The following HEATR4 variants were observed in gnomAD, a reference collection of about 807,000 sequenced individuals.
The protein encoded by HEATR4 is HEAT repeat containing 4.
In HEATR4, 95 loss-of-function variants were observed where a neutral mutation model predicts 108.8. The ratio of observed to expected loss-of-function variants is 0.87; its 90% confidence interval spans 0.74 to 1.04. The LOEUF (loss-of-function observed/expected upper bound fraction) is 1.04, where lower values mean the gene tolerates loss of function less well. Among genes scored for constraint, HEATR4 ranks in the 50% least tolerant of loss-of-function variants. The pLI is 0.00. For synonymous variants in HEATR4, 443 were observed against 459.4 expected, an observed-to-expected ratio of 0.96 and a Z score of 0.46; for missense variants, 1,152 against 1,253.8, an observed-to-expected ratio of 0.92 and a Z score of 1.23.
chr14:73,613,539 C>T, the HEATR4 span, among the ~76,000 whole-genome samples: 1 of 152,144 alleles, frequency 6.6e-6, no homozygotes, highest in Non-Finnish European at 1.5e-5. Flanking sequence ...ACAAAACTGC[C>T]TGACAGTCCT....
chr14:73,502,865 G>T, intron 11 of HEATR4, 30 bp downstream of exon 11: 1 of 1,501,172 alleles, frequency 6.7e-7, no homozygotes, highest in South Asian at 1.2e-5. Context: ...GAATTTAGAA[G>T]AGTGTCTCCT....
chr14:73,572,114 A>G, the HEATR4 span, among the ~76,000 whole-genome samples: 33 of 135,598 alleles, frequency 2.4e-4, no homozygotes, highest in East Asian at 5.9e-3. Flanking sequence ...CTTAACTTAC[A>G]AAGTTAAATA....
the HEATR4 span, chr14:73,571,149 C>G: frequency 6.6e-6 from 1 of 151,984 alleles, no homozygotes; most frequent in Non-Finnish European, 1.5e-5. Flanking sequence ...GTTCCTGCTG[C>G]CTAGCTCCCC....
the HEATR4 span, chr14:73,612,501 G>A: frequency 1.9e-6 from 2 of 1,050,646 alleles, no homozygotes; most frequent in Non-Finnish European, 2.5e-6. Flanking sequence ...ACTTTCCAGC[G>A]CTCGGCAAAG....
chr14:73,491,239 C>G, intron 17 of HEATR4: 1 of 1,589,512 alleles, frequency 6.3e-7, no homozygotes, highest in Non-Finnish European at 8.6e-7. Flanking sequence ...CGGCCGACGA[C>G]CTGGGGGACG....
the HEATR4 span, among the ~76,000 whole-genome samples, chr14:73,579,285 AAAAAAAAAAC>A: frequency 1.4e-5 from 2 of 143,206 alleles, no homozygotes; most frequent in African/African-American, 2.6e-5. Context: ...AAAAAAAAAA[AAAAAAAAAAC>A]GCTGGGTGTG....
Position 73,532,339 on chromosome 14 carries a change from C to T in HEATR4, c.-151-2095G>A, listed in dbSNP as rs1196325132. ...TAACACTAGCTTTTACAAGGAGACTCTTCAATCTTGTATTTCTAGTAGTAT... is the reference window on the plus strand; with the variant it reads ...TAACACTAGCTTTTACAAGGAGACTTTTCAATCTTGTATTTCTAGTAGTAT... On this transcript the variant is annotated intron_variant, in intron 1 of 17. Transcript: ENST00000553558. Among the ~76,000 whole-genome samples, 10 of 116,482 alleles carry T rather than the reference C, an allele frequency of 8.6e-5. 3 individuals are homozygous for T. Among genetic ancestry groups the T allele is most frequent in the Non-Finnish European group, 1.7e-4 (9 of 53,284 alleles). The allele number at this position is 116,482 out of a possible 152,430, so 76.4% of individuals were successfully genotyped here.
At chr14:73,627,690 G>T in the HEATR4 span, among the ~76,000 whole-genome samples, 1 of 152,142 alleles carries the variant, frequency 6.6e-6, no homozygotes, top group Non-Finnish European at 1.5e-5. Context: ...CCATTTCTGG[G>T]TTTTTATGGA....
At chr14:73,615,408 C>CA in the HEATR4 span, among the ~76,000 whole-genome samples, 1 of 51,162 alleles carries the variant, frequency 2.0e-5, no homozygotes, top group Non-Finnish European at 3.9e-5. Flanking sequence ...AAAAAAAAAA[C>CA]AAAAAACAAA....
intron 5 of HEATR4, among the ~76,000 whole-genome samples, chr14:73,515,117 T>C (rs1433892031): frequency 6.6e-6 from 1 of 151,340 alleles, no homozygotes; most frequent in Non-Finnish European, 1.5e-5. Flanking sequence ...CTGAACTTAA[T>C]GTTTTTCATG....
the HEATR4 span, chr14:73,569,855 G>A: frequency 1.3e-5 from 21 of 1,604,958 alleles, no homozygotes. Context: ...GCGTGGGCCG[G>A]GTGCGAGGCA....
intron 9 of HEATR4, among the ~76,000 whole-genome samples, chr14:73,506,804 G>GTTTTTTTTTTTTTTTTTTGT (rs1886870019): frequency 1.2e-5 from 1 of 80,520 alleles, no homozygotes; most frequent in East Asian, 5.8e-4. Flanking sequence ...GACTTTAACT[G>GTTTTTTTTTTTTTTTTTTGT]TTTTTTTTTT....
the HEATR4 span, among the ~76,000 whole-genome samples, chr14:73,602,617 C>T: frequency 6.6e-6 from 1 of 152,124 alleles, no homozygotes; most frequent in Non-Finnish European, 1.5e-5. Flanking sequence ...TCTTTATTCC[C>T]GCGTTCTCCC....
intron 1 of HEATR4, chr14:73,531,264 T>C (rs1371236897): frequency 8.9e-6 from 1 of 112,802 alleles, no homozygotes; most frequent in Non-Finnish European, 1.9e-5. Flanking sequence ...AGCAACCAAC[T>C]CTTTAGAATT....
At chr14:73,617,578 A>C in the HEATR4 span, among the ~76,000 whole-genome samples, 2 of 152,216 alleles carry the variant, frequency 1.3e-5, no homozygotes, top group Non-Finnish European at 2.9e-5. Flanking sequence ...GGACTAAAAA[A>C]AGTTCCAGCT....
At chr14:73,606,071 C>G in the HEATR4 span, among the ~76,000 whole-genome samples, 1 of 152,102 alleles carries the variant, frequency 6.6e-6, no homozygotes, top group East Asian at 1.9e-4. Flanking sequence ...CCTACCTAAC[C>G]AATCAGCACT....
At position 73,482,123 on chromosome 14, in the gene HEATR4, C is replaced by T. The variant is rs572244745; in HGVS notation, c.2845-3281G>A. The stretch of plus-strand genomic sequence containing the variant: ...AGCACAGGCCGGGCACACTGGCTCA[C>T]GCCTGTAATCCCAGCACTTTAGGAG... On this transcript the variant is annotated intron_variant, in intron 17 of 17. Coordinates refer to ENST00000553558, the MANE Select transcript of HEATR4 (RefSeq NM_001220484.1). Among the ~76,000 whole-genome samples, 11 of 152,174 alleles carry T rather than the reference C, an allele frequency of 7.2e-5. No homozygotes were observed. In the South Asian group the frequency reaches 1.7e-3, roughly 23 times the overall value.
chr14:73,495,145 G>GC, intron 16 of HEATR4, 83 bp downstream of exon 16: 1 of 1,230,916 alleles, frequency 8.1e-7, no homozygotes. Flanking sequence ...TCTAAGGCTT[G>GC]CTACTAAGTC....
In HEATR4 at chr14:73,542,044, C is replaced by T. The variant is rs1345791737; in HGVS notation, c.-151-11800G>A. Among the ~76,000 whole-genome samples, 6 of 112,558 alleles carry T rather than the reference C, an allele frequency of 5.3e-5. 2 individuals carry two copies. The highest frequency in any genetic ancestry group is 9.0e-5 in the African/African-American group (3 of 33,434). The allele number at this position is 112,558 out of a possible 152,430, so 73.8% of individuals were successfully genotyped here. ...ATAATTTTTGTATTTTCAGTAGAGA[C>T]GGGGTTTCACAATATTTGTCAGGCT... On this transcript the variant is annotated intron_variant, in intron 1 of 17. Transcript: ENST00000553558.
Sources: gnomAD v4.1 joint callset for allele counts (sites outside exome capture counted in the v4.1 genomes callset) on GRCh38, gnomAD v4.1.1 for gene constraint, MANE v1.5 for transcripts, NCBI Gene and HGNC (gene_info 2026-07-23, HGNC 2026-07-21) for gene names.